TTLL11: variants seen among roughly 807,000 people sequenced by gnomAD.
The protein encoded by TTLL11 is tubulin polyglutamylase TTLL11.
Under a neutral mutation model 51.7 loss-of-function variants are expected in TTLL11, and 42 were observed. That is an observed-to-expected ratio of 0.81 (90% CI 0.64 to 1.05). The LOEUF is 1.05. TTLL11 is among the 50% of genes least tolerant of loss of function. The pLI is 0.00. For synonymous variants in TTLL11, 381 were observed against 383.5 expected, an observed-to-expected ratio of 0.99 and a Z score of 0.08; for missense variants, 799 against 940.4, an observed-to-expected ratio of 0.85 and a Z score of 1.97.
intron 4 of TTLL11, among the ~76,000 whole-genome samples, chr9:121,982,296 A>G (rs1842844004): frequency 6.6e-6 from 1 of 152,188 alleles, no homozygotes; most frequent in African/African-American, 2.4e-5. Context: ...TCTTTCATGT[A>G]CACACTCATA....
intron 8 of TTLL11, among the ~76,000 whole-genome samples, chr9:121,831,799 C>T (rs1480786816): frequency 6.6e-6 from 1 of 152,090 alleles, no homozygotes; most frequent in African/African-American, 2.4e-5. Flanking sequence ...AAGCTTTATC[C>T]TCTGAAATCC....
chr9:122,001,979 T>C (rs569716074), intron 3 of TTLL11, among the ~76,000 whole-genome samples: 2 of 152,206 alleles, frequency 1.3e-5, no homozygotes, highest in Non-Finnish European at 2.9e-5. Context: ...AGTGTGCTGG[T>C]TGGAAGCCAA....
intron 6 of TTLL11, among the ~76,000 whole-genome samples, chr9:121,969,646 T>G (rs1842502398): frequency 6.6e-6 from 1 of 152,202 alleles, no homozygotes; most frequent in African/African-American, 2.4e-5. Context: ...GATCCTCTTT[T>G]GCTAAAGAGT....
At chr9:122,030,649 T>C (rs1486173506) in intron 3 of TTLL11, among the ~76,000 whole-genome samples, 1 of 151,910 alleles carries the variant, frequency 6.6e-6, no homozygotes, top group East Asian at 1.9e-4. Flanking sequence ...GGGCTGGGCG[T>C]GGTGGCTCAT....
intron 6 of TTLL11, among the ~76,000 whole-genome samples, chr9:121,921,361 A>G (rs1840535968): frequency 2.0e-5 from 3 of 152,228 alleles, no homozygotes; most frequent in Non-Finnish European, 4.4e-5. Context: ...TTAAGGAGCA[A>G]TTAACCCAGT....
At chr9:121,899,416 C>G (rs920970500) in intron 6 of TTLL11, among the ~76,000 whole-genome samples, 4 of 135,822 alleles carry the variant, frequency 2.9e-5, no homozygotes, top group Non-Finnish European at 4.8e-5. Context: ...CACACACACA[C>G]ATTTAGAGAC....
chr9:122,040,882 A>G (rs1389396126), intron 1 of TTLL11, among the ~76,000 whole-genome samples: 1 of 152,200 alleles, frequency 6.6e-6, no homozygotes, highest in East Asian at 1.9e-4. Flanking sequence ...TTAATTCAGT[A>G]CTCATAAATA....
intron 6 of TTLL11, among the ~76,000 whole-genome samples, chr9:121,904,287 CTG>C (rs1839862308): frequency 2.0e-5 from 3 of 152,158 alleles, no homozygotes; most frequent in Non-Finnish European, 4.4e-5. Context: ...AGCCATTCTC[CTG>C]CCTCAGCCTC....
chr9:121,936,265 C>CTT (rs879342434), intron 6 of TTLL11, among the ~76,000 whole-genome samples: 2 of 82,362 alleles, frequency 2.4e-5, no homozygotes, highest in East Asian at 2.4e-4. Context: ...TTCTTTCTTT[C>CTT]TTTTTTTTTT....
chr9:121,878,310 G>A (rs1838648006), intron 6 of TTLL11, among the ~76,000 whole-genome samples: 1 of 152,164 alleles, frequency 6.6e-6, no homozygotes, highest in African/African-American at 2.4e-5. Flanking sequence ...TGTCCTCAAT[G>A]TGACTTCTCG....
At chr9:122,092,658 C>T (rs754536430) in intron 1 of TTLL11, 29 bp downstream of exon 1, 15 of 1,535,802 alleles carry the variant, frequency 9.8e-6, no homozygotes, top group Admixed American at 5.9e-5. Flanking sequence ...CCCACTGTGC[C>T]CACGCGGCCG....
At chr9:121,926,740 T>C (rs1300720690) in intron 6 of TTLL11, among the ~76,000 whole-genome samples, 1 of 152,238 alleles carries the variant, frequency 6.6e-6, no homozygotes, top group Non-Finnish European at 1.5e-5. Context: ...GAGCCAGGCC[T>C]GGCTTTGGAT....
chr9:122,093,186 G>A lies in TTLL11; in HGVS notation c.-38C>T, dbSNP rs952823311. 11 of 1,481,314 alleles carry A rather than the reference G, an allele frequency of 7.4e-6. No individual in the cohort carries two copies. The African/African-American group carries it at 1.2e-4, about 16-fold the overall frequency. 91.8% of individuals were successfully genotyped at this position (1,481,314 alleles called of 1,614,324 possible). On this transcript the variant is annotated 5_prime_UTR_variant, in exon 1 of 9. Transcript: ENST00000321582. ...CGGGGCCAGTGCCAGTGCCACCGCC[G>A]CCGCCGCCGCCGCTCCGCCGCCCCA...
chr9:122,079,358 T>C (rs1845940941), intron 1 of TTLL11, among the ~76,000 whole-genome samples: 1 of 152,212 alleles, frequency 6.6e-6, no homozygotes, highest in Non-Finnish European at 1.5e-5. Context: ...CAGCTCTTAA[T>C]GTAACCCCCT....
At chr9:121,910,243 C>T (rs1222009693) in intron 6 of TTLL11, among the ~76,000 whole-genome samples, 1 of 152,198 alleles carries the variant, frequency 6.6e-6, no homozygotes, top group Non-Finnish European at 1.5e-5. Flanking sequence ...TGCAAATGAC[C>T]TTGACCCATC....
At chr9:122,043,417 TG>T (rs1212883710) in intron 1 of TTLL11, among the ~76,000 whole-genome samples, 2 of 152,150 alleles carry the variant, frequency 1.3e-5, no homozygotes, top group African/African-American at 2.4e-5. Flanking sequence ...CAAGTGGTGC[TG>T]GGAAAACTGA....
chr9:122,003,486 T>C (rs1465058434), intron 3 of TTLL11, among the ~76,000 whole-genome samples: 2 of 146,012 alleles, frequency 1.4e-5, no homozygotes, highest in Non-Finnish European at 3.0e-5. Flanking sequence ...TACGTTCCTT[T>C]TTTTTTTTTT....
At chr9:122,035,733 T>C (rs1844683339) in intron 2 of TTLL11, among the ~76,000 whole-genome samples, 1 of 152,224 alleles carries the variant, frequency 6.6e-6, no homozygotes, top group South Asian at 2.1e-4. Flanking sequence ...GTTTCTTCTC[T>C]GAGCCATCTC....
intron 6 of TTLL11, among the ~76,000 whole-genome samples, chr9:121,970,697 C>A (rs2131645153): frequency 6.6e-6 from 1 of 152,322 alleles, no homozygotes; most frequent in South Asian, 2.1e-4. Context: ...AGTCAGGAAA[C>A]AACAGATGCT....
Sources: gnomAD v4.1 joint callset for allele counts (sites outside exome capture counted in the v4.1 genomes callset) on GRCh38, gnomAD v4.1.1 for gene constraint, MANE v1.5 for transcripts, NCBI Gene and HGNC (gene_info 2026-07-23, HGNC 2026-07-21) for gene names.